NDRG2: variants seen among roughly 807,000 people sequenced by gnomAD.
The protein encoded by NDRG2 is protein NDRG2.
A neutral mutation model predicts 58.2 loss-of-function variants in NDRG2; 34 were observed. That is an observed-to-expected ratio of 0.58 (90% confidence interval 0.44 to 0.78). The LOEUF (loss-of-function observed/expected upper bound fraction) is 0.78. Among genes scored for constraint, NDRG2 ranks in the 30% least tolerant of loss-of-function variants. The pLI, the probability that NDRG2 is intolerant of heterozygous loss-of-function variation, is 0.00. For missense variants in NDRG2, 434 were observed against 471.2 expected (o/e 0.92, Z 0.73); for synonymous variants, 187 against 175.9 (o/e 1.06, Z -0.50).
chr14:21,033,951 G>A (rs114504351), intron 1 of NDRG2: 25,870 of 1,613,962 alleles, frequency 0.016, 293 homozygotes, highest in Middle Eastern at 0.029. Flanking sequence ...GTGGCTCAGG[G>A]AGCAGACCGT....
chr14:21,032,941 A>T, intron 1 of NDRG2: 1 of 456,030 alleles, frequency 2.2e-6, no homozygotes, highest in South Asian at 1.5e-5. Context: ...TTACATACTC[A>T]GATGTGGTTT....
chr14:21,048,094 G>T (rs1952510), intron 1 of NDRG2, among the ~76,000 whole-genome samples: 80,690 of 151,650 alleles, frequency 0.53, 24,616 homozygotes, highest in Non-Finnish European at 0.68. Context: ...CTTCTCCTTG[G>T]GAGAGCTTCA....
At chr14:21,030,864 G>T in intron 1 of NDRG2, 1 of 1,507,202 alleles carries the variant, frequency 6.6e-7, no homozygotes, top group East Asian at 2.3e-5. Flanking sequence ...AGCACCACAG[G>T]GTACCTGGCG....
chr14:21,020,482 A>T lies in NDRG2; in HGVS notation c.555+14T>A. On this transcript the variant is annotated intron_variant, in intron 8 of 15. Transcript: ENST00000556147. ...TCCCCAACCGTAGGTCTCAGCACAC[A>T]GGCCCCTCCAAACCTTGTGGGCTGC... 1 of 1,610,886 alleles carries T rather than the reference A, an allele frequency of 6.2e-7. No homozygotes were observed. Among genetic ancestry groups the T allele is most frequent in the East Asian group, 2.2e-5 (1 of 44,844 alleles).
Position 21,045,647 on chromosome 14 carries a change from C to T in NDRG2, c.25-22326G>A, listed in dbSNP as rs990300192. Among the ~76,000 whole-genome samples, 7 of 152,328 alleles carry T rather than the reference C, an allele frequency of 4.6e-5. No homozygotes were observed. In the East Asian group the frequency reaches 7.7e-4, roughly 17 times the overall value. Reference sequence around the variant, plus strand: ...TGGATAATATGGTTTTAGAGACATTCTCCTCACAAAATTTAAAGTGGCTAA... The same window carrying T: ...TGGATAATATGGTTTTAGAGACATTTTCCTCACAAAATTTAAAGTGGCTAA... On this transcript the variant is annotated intron_variant, in intron 1 of 14. Transcript: ENST00000403829.
At position 21,018,824 on chromosome 14, in the gene NDRG2, C is replaced by G; in HGVS notation, c.762-10G>C. The G allele has an allele frequency of 1.2e-6, 2 of 1,614,160 alleles. No individual in the cohort carries two copies. The highest frequency in any genetic ancestry group is 1.7e-6 in the Non-Finnish European group (2 of 1,180,042). On this transcript the variant is annotated splice_polypyrimidine_tract_variant and intron_variant, in intron 11 of 15. Transcript: ENST00000556147. ...CAGCATCACAGGACACCTAAAGACA[C>G]AGTGTTGGGGAGAAGGCAGTGAGCC...
chr14:21,036,830 C>A (rs964049469), intron 1 of NDRG2, among the ~76,000 whole-genome samples: 1 of 152,206 alleles, frequency 6.6e-6, no homozygotes, highest in African/African-American at 2.4e-5. Flanking sequence ...AAGTGGGCAC[C>A]GTCAAGCAAG....
At chr14:21,025,302 C>G (rs528074121), upstream of NDRG2, 284 of 955,780 alleles carry the variant, frequency 3.0e-4, no homozygotes, top group African/African-American at 4.7e-3. This position sits in a 1 kb window ranked among gnomAD's most constrained non-coding sequence, Gnocchi z 5.1. Flanking sequence ...TCCACCACCC[C>G]CTCCCCGCAT....
intron 13 of NDRG2, 44 bp from the exon 14 acceptor site, chr14:21,018,283 A>G (rs1243446): frequency 0.37 from 603,302 of 1,612,028 alleles, 114,941 homozygotes; most frequent in Non-Finnish European, 0.39. Flanking sequence ...ACACACATAA[A>G]TGAGCCATGC....
In NDRG2 at chr14:21,016,998, C is replaced by T. The variant is rs954454916; in HGVS notation, c.*598G>A. On this transcript the variant is annotated 3_prime_UTR_variant, in exon 16 of 16. Coordinates refer to ENST00000556147, the MANE Select transcript of NDRG2 (RefSeq NM_001320329.2). Reference sequence around the variant, plus strand: ...CGGCCCCAGGCCCCTTCCTGTTGCCCCAGCACCAATCCTTCCCCACACTCG... The same window carrying T: ...CGGCCCCAGGCCCCTTCCTGTTGCCTCAGCACCAATCCTTCCCCACACTCG... The T allele has an allele frequency of 4.4e-6, 2 of 456,416 alleles. No individual in the cohort carries two copies. The highest frequency in any genetic ancestry group is 2.0e-5 in the African/African-American group (1 of 50,060). 28.3% of individuals were successfully genotyped at this position (456,416 alleles called of 1,614,324 possible).
chr14:21,028,276 T>TG (rs1883830637), upstream of NDRG2, among the ~76,000 whole-genome samples: 1 of 151,904 alleles, frequency 6.6e-6, no homozygotes. Flanking sequence ...GTTTTTGAGA[T>TG]GGGGTCTCTC....
At chr14:21,022,041 C>G (rs201046458) in intron 5 of NDRG2, 21 bp downstream of exon 5, 2 of 1,614,018 alleles carry the variant, frequency 1.2e-6, no homozygotes, top group East Asian at 2.2e-5. Flanking sequence ...TCTGGTGAAG[C>G]AGTAACGACC....
rs969826966 is a variant in NDRG2 at position 21,017,827 on chromosome 14, G to A, written c.950-65C>T. On this transcript the variant is annotated intron_variant, in intron 15 of 15. Transcript: ENST00000556147. Reference sequence around the variant, plus strand: ...GTGGGGAAGGGGGGCTGGCGACTCAGGGTGTGGTCCTTGGATTATGGACTA... The same window carrying A: ...GTGGGGAAGGGGGGCTGGCGACTCAAGGTGTGGTCCTTGGATTATGGACTA... 5 of 1,605,698 alleles carry A rather than the reference G, an allele frequency of 3.1e-6. No homozygotes were observed. The African/African-American group carries it at 5.4e-5, about 17-fold the overall frequency.
chr14:21,055,559 A>G lies in NDRG2; in HGVS notation c.24+15269T>C, dbSNP rs1166128122. ...CAAAACACACAATCAAAGGAACCCCATTCCCAGGCCTCCCTGAGTGAGGCT... is the reference window on the plus strand; with the variant it reads ...CAAAACACACAATCAAAGGAACCCCGTTCCCAGGCCTCCCTGAGTGAGGCT... On this transcript the variant is annotated intron_variant, in intron 1 of 14. Transcript: ENST00000403829. 4.6e-5 allele frequency among the ~76,000 whole-genome samples: 7 copies of G among 152,308 alleles called. No homozygotes were observed. In the East Asian group the frequency reaches 1.3e-3, roughly 29 times the overall value.
Position 21,065,179 on chromosome 14 carries a change from A to C in NDRG2, c.24+5649T>G, listed in dbSNP as rs536099389. On this transcript the variant is annotated intron_variant, in intron 1 of 14. Coordinates refer to the NDRG2 transcript ENST00000403829. ...AGCAAAACTCCATCTCAAAAAAAAA[A>C]AAACAAACAACAACAACAAAAAAAT... Among the ~76,000 whole-genome samples, 5 of 151,976 alleles carry C rather than the reference A, an allele frequency of 3.3e-5. No individual in the cohort carries two copies. In the East Asian group the frequency reaches 5.8e-4, roughly 18 times the overall value.
chr14:21,033,198 A>G (rs916952751), intron 1 of NDRG2: 2 of 354,662 alleles, frequency 5.6e-6, no homozygotes, highest in South Asian at 4.3e-5. Context: ...AGACAGTCCT[A>G]GGCTCCATGG....
Position 21,024,386 on chromosome 14 carries a change from G to A in NDRG2, c.-363C>T, listed in dbSNP as rs1178358881. Reference sequence around the variant, plus strand: ...GTCAGAACCTCCGGATTCGAATCCCGGCTCTGCCACTCCCAGTGTGACCTT... The same window carrying A: ...GTCAGAACCTCCGGATTCGAATCCCAGCTCTGCCACTCCCAGTGTGACCTT... On this transcript the variant is annotated 5_prime_UTR_variant, in exon 1 of 16. Coordinates refer to ENST00000556147, the MANE Select transcript of NDRG2 (RefSeq NM_001320329.2). The A allele has an allele frequency of 1.1e-5, 10 of 918,918 alleles. No homozygotes were observed. Among genetic ancestry groups the A allele is most frequent in the Non-Finnish European group, 1.3e-5 (10 of 769,590 alleles). The allele number at this position is 918,918 out of a possible 1,614,324, so 56.9% of individuals were successfully genotyped here.
chr14:21,068,962 C>G (rs1886452972), intron 1 of NDRG2, among the ~76,000 whole-genome samples: 1 of 152,258 alleles, frequency 6.6e-6, no homozygotes, highest in South Asian at 2.1e-4. Context: ...CCAACAACTG[C>G]CCAGAGGCTC....
At chr14:21,063,260 G>A (rs1342012927) in intron 1 of NDRG2, among the ~76,000 whole-genome samples, 2 of 152,174 alleles carry the variant, frequency 1.3e-5, no homozygotes, top group Non-Finnish European at 2.9e-5. Flanking sequence ...AAACACACAC[G>A]TGTTCAGGGT....
Sources: allele counts gnomAD v4.1 joint callset (sites outside exome capture counted in the v4.1 genomes callset), GRCh38; gene constraint gnomAD v4.1.1; non-coding constraint Gnocchi (gnomAD v3.1); transcripts MANE v1.5; gene names NCBI Gene and HGNC (gene_info 2026-07-23, HGNC 2026-07-21).